Variants in PALLD observed in about 807,000 individuals in gnomAD.
The protein encoded by PALLD is palladin.
Under a neutral mutation model 123.5 loss-of-function variants are expected in PALLD, and 61 were observed. The ratio of observed to expected loss-of-function variants is 0.49; its 90% CI spans 0.40 to 0.61. The LOEUF (loss-of-function observed/expected upper bound fraction) is 0.61. PALLD is among the 20% of genes least tolerant of loss of function. The pLI is 0.00. For missense variants in PALLD, 1,273 were observed against 1,377.0 expected (o/e 0.92, Z 1.20); for synonymous variants, 465 against 496.4 (o/e 0.94, Z 0.84).
At chr4:168,631,289 T>C (rs924058506) in intron 2 of PALLD, among the ~76,000 whole-genome samples, 1 of 152,184 alleles carries the variant, frequency 6.6e-6, no homozygotes, top group Admixed American at 6.5e-5. Context: ...GTAATACAAA[T>C]TCACTACTAG....
intron 2 of PALLD, among the ~76,000 whole-genome samples, chr4:168,600,510 A>G (rs946922123): frequency 6.6e-6 from 1 of 152,102 alleles, no homozygotes; most frequent in African/African-American, 2.4e-5. Flanking sequence ...ATATTTGAGA[A>G]CCCCTGCTTG....
chr4:168,698,208 T>C (rs1043913645), intron 8 of PALLD, among the ~76,000 whole-genome samples: 1 of 152,156 alleles, frequency 6.6e-6, no homozygotes, highest in Non-Finnish European at 1.5e-5. Context: ...GGGAGGGGTA[T>C]TGAGAGGCTG....
chr4:168,701,810 C>G (rs1783701041), intron 8 of PALLD, among the ~76,000 whole-genome samples: 1 of 152,150 alleles, frequency 6.6e-6, no homozygotes, highest in South Asian at 2.1e-4. Context: ...GACGTAAGCC[C>G]TGGTTGTCTA....
Position 168,711,796 on chromosome 4 carries a change from G to A in PALLD, c.1837G>A (p.Val613Ile). 1 of 1,614,136 alleles carries A rather than the reference G, an allele frequency of 6.2e-7. No homozygotes were observed. Among genetic ancestry groups the A allele is most frequent in the Non-Finnish European group, 8.5e-7 (1 of 1,179,996 alleles). Residue 613 changes from valine to isoleucine, a missense_variant, in exon 10 of 22, where the codon GTC (valine) becomes ATC (isoleucine). This residue lies in a region of PALLD where 944 missense variants were observed against 954.5 expected (regional missense o/e 0.99). Transcript: ENST00000505667. ...FNAAERETNG[V>I]HPSRGVNGLI... ...TGCTGCTGAGAGGGAAACGAACGGA[G>A]TCCATCCCAGCCGTGGAGTAAATGG...
intron 10 of PALLD, among the ~76,000 whole-genome samples, chr4:168,736,216 A>C (rs1787740976): frequency 6.6e-6 from 1 of 152,220 alleles, no homozygotes; most frequent in African/African-American, 2.4e-5. Flanking sequence ...TTGCACTGAT[A>C]ATTAATAATT....
intron 10 of PALLD, among the ~76,000 whole-genome samples, chr4:168,806,309 C>G (rs976321941): frequency 6.6e-6 from 1 of 152,182 alleles, no homozygotes; most frequent in East Asian, 1.9e-4. Context: ...GATGATCTGC[C>G]CACCTCCGTC....
intron 2 of PALLD, among the ~76,000 whole-genome samples, chr4:168,571,928 A>G (rs536234001): frequency 6.6e-6 from 1 of 152,208 alleles, no homozygotes; most frequent in African/African-American, 2.4e-5. Context: ...GAGTTACAGC[A>G]TTTTTTATCA....
intron 10 of PALLD, among the ~76,000 whole-genome samples, chr4:168,841,955 A>C (rs751018780): frequency 6.6e-6 from 1 of 152,240 alleles, no homozygotes; most frequent in Non-Finnish European, 1.5e-5. Context: ...AAATAAAGCA[A>C]GTATGTAGCA....
chr4:168,743,926 A>G (rs1788606866), intron 10 of PALLD, among the ~76,000 whole-genome samples: 1 of 152,192 alleles, frequency 6.6e-6, no homozygotes, highest in African/African-American at 2.4e-5. Flanking sequence ...ATTTTAACAG[A>G]TGGGAATTTG....
chr4:168,874,637 A>T (rs1339261538), intron 10 of PALLD, among the ~76,000 whole-genome samples: 2 of 120,974 alleles, frequency 1.7e-5, no homozygotes, highest in Admixed American at 1.9e-4. Flanking sequence ...CAGAAGGAAA[A>T]TATAGCCACA....
At chr4:168,900,030 A>G (rs953447438) in intron 14 of PALLD, among the ~76,000 whole-genome samples, 4 of 152,206 alleles carry the variant, frequency 2.6e-5, no homozygotes, top group African/African-American at 7.2e-5. Flanking sequence ...GCTTACAATC[A>G]TGGTGAAGGC....
At chr4:168,798,235 C>T (rs1738803373) in intron 10 of PALLD, among the ~76,000 whole-genome samples, 1 of 151,924 alleles carries the variant, frequency 6.6e-6, no homozygotes, top group Non-Finnish European at 1.5e-5. Flanking sequence ...AAGGCCTTGC[C>T]ATATCAAAGG....
In PALLD at chr4:168,786,616, G is replaced by A. The variant is rs1199111096; in HGVS notation, c.1964+74693G>A. ...GTGCAGGAGGTCGAGGCTGCAGTGA[G>A]CCATGATTGAGCCACTGCATTCTAG... On this transcript the variant is annotated intron_variant, in intron 10 of 21. Transcript: ENST00000505667. Among the ~76,000 whole-genome samples the A allele has an allele frequency of 2.6e-5, 4 of 152,334 alleles. No individual in the cohort carries two copies. The East Asian group carries it at 7.7e-4, about 29-fold the overall frequency.
chr4:168,712,826 G>T (rs952276239), intron 10 of PALLD, among the ~76,000 whole-genome samples: 1 of 152,048 alleles, frequency 6.6e-6, no homozygotes, highest in Non-Finnish European at 1.5e-5. Flanking sequence ...GGGCAGGAAG[G>T]GCTTCTTTAG....
At chr4:168,879,642 A>C (rs1336808838) in intron 10 of PALLD, among the ~76,000 whole-genome samples, 2 of 152,236 alleles carry the variant, frequency 1.3e-5, no homozygotes, top group Non-Finnish European at 2.9e-5. Context: ...AGGCAGCTTC[A>C]GTTAGCAATG....
chr4:168,781,513 G>A (rs1265452162), intron 10 of PALLD, among the ~76,000 whole-genome samples: 5 of 152,198 alleles, frequency 3.3e-5, no homozygotes, highest in East Asian at 1.9e-4. Context: ...GAAGCCTGTC[G>A]CAGCACAGCA....
At chr4:168,684,189 A>C (rs1245471755) in intron 5 of PALLD, among the ~76,000 whole-genome samples, 1 of 152,222 alleles carries the variant, frequency 6.6e-6, no homozygotes, top group Non-Finnish European at 1.5e-5. Context: ...ATGTGACAGA[A>C]TGTATTTAGA....
intron 2 of PALLD, among the ~76,000 whole-genome samples, chr4:168,570,695 A>G (rs1050043829): frequency 6.6e-6 from 1 of 152,182 alleles, no homozygotes; most frequent in African/African-American, 2.4e-5. Flanking sequence ...AGCATTATCC[A>G]TTAAGGAAAG....
At chr4:168,815,611 G>A (rs1741788130) in intron 10 of PALLD, among the ~76,000 whole-genome samples, 2 of 152,328 alleles carry the variant, frequency 1.3e-5, no homozygotes, top group South Asian at 4.1e-4. Flanking sequence ...AAGGCAGGGA[G>A]AGAACGTGCT....
Sources: gnomAD v4.1 joint callset for allele counts (sites outside exome capture counted in the v4.1 genomes callset) on GRCh38, gnomAD v4.1.1 for gene constraint, gnomAD v4.1.1 regional missense constraint, MANE v1.5 for transcripts, NCBI Gene and HGNC (gene_info 2026-07-23, HGNC 2026-07-21) for gene names.